The following ATP1B3 variants were observed in gnomAD, a reference collection of about 807,000 sequenced individuals.
The protein encoded by ATP1B3 is ATPase Na+/K+ transporting subunit beta 3.
Under a neutral mutation model 30.2 loss-of-function variants are expected in ATP1B3, and 10 were observed. The ratio of observed to expected loss-of-function variants is 0.33; its 90% CI spans 0.20 to 0.56. ATP1B3 has a LOEUF of 0.56. Ranked by LOEUF, ATP1B3 falls within the 20% of genes least tolerant of loss-of-function variation. ATP1B3 has a pLI of 0.90. For missense variants in ATP1B3, 238 were observed against 336.7 expected (o/e 0.71, Z 2.29); for synonymous variants, 113 against 117.0 (o/e 0.97, Z 0.22).
intron 4 of ATP1B3, among the ~76,000 whole-genome samples, chr3:141,915,436 T>A (rs1474772494): frequency 2.0e-5 from 3 of 152,228 alleles, no homozygotes; most frequent in Non-Finnish European, 4.4e-5. Context: ...GTGAGTTTAT[T>A]CAGTTCTGTC....
At chr3:141,903,563 C>T (rs1934206381) in intron 1 of ATP1B3, 57 bp from the exon 2 acceptor site, 1 of 1,602,712 alleles carries the variant, frequency 6.2e-7, no homozygotes, top group Non-Finnish European at 8.5e-7. Context: ...CCTGGCCAAA[C>T]ATGCATACAC....
intron 6 of ATP1B3, among the ~76,000 whole-genome samples, chr3:141,924,160 A>G (rs943992859): frequency 2.7e-5 from 4 of 149,094 alleles, no homozygotes; most frequent in African/African-American, 9.9e-5. Flanking sequence ...CCTGACCAAC[A>G]TGGTGAAACG....
intron 1 of ATP1B3, among the ~76,000 whole-genome samples, chr3:141,886,352 GC>G (rs1933833887): frequency 6.6e-6 from 1 of 152,096 alleles, no homozygotes; most frequent in Non-Finnish European, 1.5e-5. Flanking sequence ...CACAGACCTA[GC>G]TTCAGTGCTG....
intron 1 of ATP1B3, among the ~76,000 whole-genome samples, chr3:141,878,999 T>C (rs1933662130): frequency 6.6e-6 from 1 of 152,156 alleles, no homozygotes; most frequent in Non-Finnish European, 1.5e-5. Context: ...CAGGATCAGT[T>C]TGGAGAGCTC....
chr3:141,907,993 T>C (rs192890972), intron 3 of ATP1B3, among the ~76,000 whole-genome samples: 1 of 151,648 alleles, frequency 6.6e-6, no homozygotes. Flanking sequence ...GTAGCTGATA[T>C]ACATTTATGT....
rs116796984 is a variant in ATP1B3 at position 141,887,199 on chromosome 3, A to G, written c.109+10289A>G. Among the ~76,000 whole-genome samples the G allele has an allele frequency of 4.0e-3, 605 of 152,260 alleles. 6 individuals carry two copies. Among genetic ancestry groups the G allele is most frequent in the African/African-American group, 0.014 (584 of 41,552 alleles). ...ACTGTAGCTTGAAATTGGCCATAGAACTAACGGGCATGGCTAGCATTTTAT... is the reference window on the plus strand; with the variant it reads ...ACTGTAGCTTGAAATTGGCCATAGAGCTAACGGGCATGGCTAGCATTTTAT... On this transcript the variant is annotated intron_variant, in intron 1 of 6. Coordinates refer to ENST00000286371, the MANE Select transcript of ATP1B3 (RefSeq NM_001679.4).
chr3:141,907,258 T>G lies in ATP1B3; in HGVS notation c.330T>G (p.Leu110=). The part of the protein sequence containing the change: ...PTSYAGYIED[L]KKFLKPYTLE... ...CGTATGCAGGGTACATTGAAGACCTTAAGAAGTTTCTAAAACGTGAGTATG... is the reference window on the plus strand; with the variant it reads ...CGTATGCAGGGTACATTGAAGACCTGAAGAAGTTTCTAAAACGTGAGTATG... The change falls in exon 3 of 7, where the codon CTT becomes CTG. Residue 110 remains leucine, a synonymous_variant. Coordinates refer to ENST00000286371, the MANE Select transcript of ATP1B3 (RefSeq NM_001679.4). 1.2e-6 allele frequency: 2 copies of G among 1,609,974 alleles called. No individual in the cohort carries two copies. The highest frequency in any genetic ancestry group is 1.3e-5 in the African/African-American group (1 of 74,910).
intron 1 of ATP1B3, among the ~76,000 whole-genome samples, chr3:141,877,180 C>G (rs1280893928): frequency 6.6e-6 from 1 of 151,254 alleles, no homozygotes; most frequent in Admixed American, 6.6e-5. Flanking sequence ...GAGCGGGGCG[C>G]ACGTGCTGCC....
At chr3:141,921,921 GT>G in intron 5 of ATP1B3, 55 bp from the exon 6 acceptor site, 1 of 990,694 alleles carries the variant, frequency 1.0e-6, no homozygotes, top group Non-Finnish European at 1.5e-6. Context: ...TATAAACATA[GT>G]TTTTACAAAT....
At chr3:141,917,989 T>C (rs540625538) in intron 5 of ATP1B3, among the ~76,000 whole-genome samples, 16 of 151,774 alleles carry the variant, frequency 1.1e-4, no homozygotes, top group Non-Finnish European at 1.6e-4. Flanking sequence ...AGGATGGTCT[T>C]GATCTCCTGA....
chr3:141,884,652 A>G (rs561735766), intron 1 of ATP1B3, among the ~76,000 whole-genome samples: 2 of 152,316 alleles, frequency 1.3e-5, no homozygotes, highest in East Asian at 1.9e-4. Context: ...AAAAACGTGA[A>G]AAGGAGAGAC....
chr3:141,914,483 T>G (rs1934421884), intron 4 of ATP1B3, among the ~76,000 whole-genome samples: 1 of 152,096 alleles, frequency 6.6e-6, no homozygotes, highest in Non-Finnish European at 1.5e-5. Flanking sequence ...TTAGGGTCAT[T>G]GTGCAAAGGA....
chr3:141,919,671 G>C (rs191076529), intron 5 of ATP1B3, among the ~76,000 whole-genome samples: 1 of 152,168 alleles, frequency 6.6e-6, no homozygotes. Context: ...GGACGCGGTG[G>C]CTTTCACCTG....
chr3:141,919,690 G>T (rs1353384460), intron 5 of ATP1B3, among the ~76,000 whole-genome samples: 1 of 152,148 alleles, frequency 6.6e-6, no homozygotes, highest in African/African-American at 2.4e-5. Flanking sequence ...TGTAATTCCA[G>T]CACTTTGGGA....
intron 5 of ATP1B3, chr3:141,918,467 C>G (rs1239021729): frequency 6.8e-6 from 1 of 148,126 alleles, no homozygotes; most frequent in Non-Finnish European, 1.5e-5. Context: ...TTTTTTGAGA[C>G]GGAGTCTCTC....
At chr3:141,903,151 T>C (rs1433018661) in intron 1 of ATP1B3, 1 of 154,006 alleles carries the variant, frequency 6.5e-6, no homozygotes, top group Non-Finnish European at 1.4e-5. Flanking sequence ...TAACTCACTT[T>C]TTAAAACTTA....
chr3:141,880,211 C>G (rs2107925821), intron 1 of ATP1B3, among the ~76,000 whole-genome samples: 1 of 152,304 alleles, frequency 6.6e-6, no homozygotes, highest in East Asian at 1.9e-4. Context: ...AGTTACATTG[C>G]ATTGCCTTAT....
chr3:141,902,523 C>T (rs1308280911), intron 1 of ATP1B3, among the ~76,000 whole-genome samples: 1 of 152,136 alleles, frequency 6.6e-6, no homozygotes, highest in Non-Finnish European at 1.5e-5. Flanking sequence ...CCAATGTATT[C>T]TAATATACTT....
intron 3 of ATP1B3, among the ~76,000 whole-genome samples, chr3:141,913,358 A>G (rs1304279764): frequency 6.6e-6 from 1 of 152,208 alleles, no homozygotes; most frequent in Admixed American, 6.5e-5. Flanking sequence ...ATCACCAAGC[A>G]TGCAGAAGGC....
Sources: allele counts gnomAD v4.1 joint callset (sites outside exome capture counted in the v4.1 genomes callset), GRCh38; gene constraint gnomAD v4.1.1; transcripts MANE v1.5; gene names NCBI Gene and HGNC (gene_info 2026-07-23, HGNC 2026-07-21).